ACAP2: variants seen among roughly 807,000 people sequenced by gnomAD.
ACAP2 encodes ArfGAP with coiled-coil, ankyrin repeat and PH domains 2.
In ACAP2, 39 loss-of-function variants were observed where a neutral mutation model predicts 115.8. The ratio of observed to expected loss-of-function variants is 0.34; its 90% CI spans 0.26 to 0.44. ACAP2 has a LOEUF of 0.44. Ranked by LOEUF, ACAP2 falls within the 20% of genes least tolerant of loss-of-function variation. The probability of loss-of-function intolerance (pLI) is 1.00; values close to 1 mark genes in which losing one functional copy is unlikely to be tolerated. For missense variants in ACAP2, 662 were observed against 927.6 expected, an observed-to-expected ratio of 0.71 and a Z score of 3.72; for synonymous variants, 289 against 315.8, an observed-to-expected ratio of 0.92 and a Z score of 0.90.
chr3:195,429,467 C>A (rs1461248880), intron 1 of ACAP2, among the ~76,000 whole-genome samples: 1 of 151,512 alleles, frequency 6.6e-6, no homozygotes, highest in Non-Finnish European at 1.5e-5. Context: ...TACCAAAACG[C>A]TGAGAATAAT....
rs149768790 is a variant in ACAP2 at position 195,295,683 on chromosome 3, G to A, written c.1672+25C>T. The stretch of plus-strand genomic sequence containing the variant: ...ATTTGAGCTTAAGAAAATAGCTATA[G>A]ACACAGTAAGAAAGTTTGCCATACC... On this transcript the variant is annotated intron_variant, in intron 17 of 22. Coordinates refer to ENST00000326793, the MANE Select transcript of ACAP2 (RefSeq NM_012287.6). 253 of 1,613,278 alleles carry A rather than the reference G, an allele frequency of 1.6e-4. 4 individuals carry two copies. In the East Asian group the frequency reaches 5.4e-3, roughly 35 times the overall value.
intron 1 of ACAP2, among the ~76,000 whole-genome samples, chr3:195,436,707 A>G (rs919583472): frequency 6.6e-6 from 1 of 152,248 alleles, no homozygotes; most frequent in African/African-American, 2.4e-5. Flanking sequence ...TGAAGAAAAA[A>G]GTACTGTAAA....
intron 21 of ACAP2, among the ~76,000 whole-genome samples, chr3:195,287,459 C>T (rs1239797487): frequency 1.3e-5 from 2 of 151,554 alleles, no homozygotes; most frequent in East Asian, 3.9e-4. Context: ...GCTACGACTA[C>T]ACGCATGTGC....
intron 4 of ACAP2, among the ~76,000 whole-genome samples, chr3:195,351,705 C>G (rs887254591): frequency 6.6e-6 from 1 of 151,946 alleles, no homozygotes. Context: ...ATCCGTGATC[C>G]GCCCGCATCG....
At chr3:195,378,386 A>AGAGGCT (rs1221922981) in intron 4 of ACAP2, among the ~76,000 whole-genome samples, 1 of 152,050 alleles carries the variant, frequency 6.6e-6, no homozygotes, top group Non-Finnish European at 1.5e-5. Context: ...CAGCTACTCC[A>AGAGGCT]GAGGCTGAGG....
chr3:195,383,071 CATT>C (rs752599715), intron 2 of ACAP2, among the ~76,000 whole-genome samples: 120 of 152,074 alleles, frequency 7.9e-4, no homozygotes, highest in Admixed American at 2.9e-3. Context: ...TAAGAGGAAG[CATT>C]ATTATATGAC....
intron 1 of ACAP2, among the ~76,000 whole-genome samples, chr3:195,433,976 C>T (rs146866713): frequency 1.8e-3 from 278 of 152,254 alleles, no homozygotes; most frequent in African/African-American, 6.4e-3. Flanking sequence ...GTCACACAGG[C>T]TGAGTGCAGT....
chr3:195,437,326 G>A (rs1343979159), intron 1 of ACAP2, among the ~76,000 whole-genome samples: 3 of 152,022 alleles, frequency 2.0e-5, no homozygotes, highest in Admixed American at 1.3e-4. Context: ...TATAGCATAA[G>A]CTACTGCACC....
In ACAP2 at chr3:195,278,266, C is replaced by T. The variant is rs1726263098; in HGVS notation, c.*1062G>A. ...ACACGATATAATTTAAAAGAATGTA[C>T]ACTGTGTACAAGTACACAAAATAGA... On this transcript the variant is annotated 3_prime_UTR_variant, in exon 23 of 23. Coordinates refer to ENST00000326793, the MANE Select transcript of ACAP2 (RefSeq NM_012287.6). 6.6e-6 allele frequency: 1 copy of T among 151,984 alleles called. No individual in the cohort carries two copies. Among genetic ancestry groups the T allele is most frequent in the African/African-American group, 2.4e-5 (1 of 41,374 alleles). The allele number at this position is 151,984 out of a possible 1,614,324, so 9.4% of individuals were successfully genotyped here.
At chr3:195,428,782 T>C (rs1714884753) in intron 1 of ACAP2, among the ~76,000 whole-genome samples, 1 of 152,188 alleles carries the variant, frequency 6.6e-6, no homozygotes, top group African/African-American at 2.4e-5. Context: ...AAAGGTGATA[T>C]TACCAAATGC....
chr3:195,378,524 A>AC (rs397957936), intron 4 of ACAP2, among the ~76,000 whole-genome samples: 6 of 150,824 alleles, frequency 4.0e-5, no homozygotes, highest in South Asian at 2.1e-4. Context: ...ACAAAAAAAA[A>AC]CAAAAAAAAT....
At chr3:195,325,110 G>A (rs531010011) in intron 9 of ACAP2, among the ~76,000 whole-genome samples, 1 of 152,116 alleles carries the variant, frequency 6.6e-6, no homozygotes, top group African/African-American at 2.4e-5. Context: ...AAATCTGAAA[G>A]TCTCATAATA....
chr3:195,342,191 C>A (rs1415631016), intron 6 of ACAP2, among the ~76,000 whole-genome samples: 1 of 152,014 alleles, frequency 6.6e-6, no homozygotes, highest in African/African-American at 2.4e-5. Context: ...CATAACAACT[C>A]CAGAGAATAA....
intron 13 of ACAP2, 41 bp from the exon 14 acceptor site, chr3:195,302,215 G>GA (rs762836195): frequency 6.9e-7 from 1 of 1,453,558 alleles, no homozygotes; most frequent in South Asian, 1.2e-5. Context: ...AAAAAAAAAA[G>GA]ATTGAAATAC....
rs1202756835 is a variant in ACAP2 at position 195,278,481 on chromosome 3, T to C, written c.*847A>G. The stretch of plus-strand genomic sequence containing the variant: ...TTATAAATTGATTTTTCCTTTAAAG[T>C]TTTGATGAAGGCATAATTTTGTGAC... On this transcript the variant is annotated 3_prime_UTR_variant, in exon 23 of 23. Coordinates refer to ENST00000326793, the MANE Select transcript of ACAP2 (RefSeq NM_012287.6). 1 of 152,164 alleles carries C rather than the reference T, an allele frequency of 6.6e-6. No homozygotes were observed. Among genetic ancestry groups the C allele is most frequent in the African/African-American group, 2.4e-5 (1 of 41,440 alleles). 9.4% of individuals were successfully genotyped at this position (152,164 alleles called of 1,614,324 possible).
At chr3:195,301,790 C>A in intron 14 of ACAP2, 146 bp from the exon 15 acceptor site, 1 of 1,127,464 alleles carries the variant, frequency 8.9e-7, no homozygotes. Flanking sequence ...GAATGATGAA[C>A]CAAAGTCCTC....
intron 1 of ACAP2, among the ~76,000 whole-genome samples, chr3:195,427,730 C>G (rs1445423281): frequency 6.6e-6 from 1 of 151,896 alleles, no homozygotes; most frequent in Non-Finnish European, 1.5e-5. Context: ...GGCAACATGG[C>G]AAAACCTCAT....
At chr3:195,293,712 CACA>C in intron 18 of ACAP2, among the ~76,000 whole-genome samples, 1 of 151,902 alleles carries the variant, frequency 6.6e-6, no homozygotes, top group Admixed American at 6.6e-5. Flanking sequence ...CATGGTGGCA[CACA>C]CCTGTAACCC....
At chr3:195,317,441 C>G (rs1272820443) in intron 10 of ACAP2, among the ~76,000 whole-genome samples, 1 of 152,030 alleles carries the variant, frequency 6.6e-6, no homozygotes, top group African/African-American at 2.4e-5. Context: ...AGTAAATCAA[C>G]CAGAATCCAA....
Sources: gnomAD v4.1 joint callset for allele counts (sites outside exome capture counted in the v4.1 genomes callset) on GRCh38, gnomAD v4.1.1 for gene constraint, MANE v1.5 for transcripts, NCBI Gene and HGNC (gene_info 2026-07-23, HGNC 2026-07-21) for gene names.